Variants in DUSP18 observed in about 807,000 individuals in gnomAD.
DUSP18 encodes the protein dual specificity phosphatase 18.
Under a neutral mutation model 6.3 loss-of-function variants are expected in DUSP18, and 4 were observed. The ratio of observed to expected loss-of-function variants is 0.63; its 90% CI spans 0.31 to 1.45. The LOEUF (loss-of-function observed/expected upper bound fraction) is 1.45, where lower values mean the gene tolerates loss of function less well. Among genes scored for constraint, DUSP18 ranks in the 40% most tolerant of loss-of-function variants. The pLI is 0.07. For synonymous variants in DUSP18, 96 were observed against 95.1 expected, an observed-to-expected ratio of 1.01 and a Z score of -0.05; for missense variants, 235 against 247.7, an observed-to-expected ratio of 0.95 and a Z score of 0.34.
At chr22:30,661,168 G>A (rs921191051), downstream of DUSP18, among the ~76,000 whole-genome samples, 11 of 152,002 alleles carry the variant, frequency 7.2e-5, no homozygotes, top group African/African-American at 2.7e-4. Flanking sequence ...TACTAATAAT[G>A]AGCAATTGGA....
Position 30,663,766 on chromosome 22 carries a change from A to G in DUSP18, c.238T>C (p.Cys80Arg), listed in dbSNP as rs1321789480. ...PVADSPNSRL[C>R]DFFDPIADHI... is the part of the protein sequence containing the mutation. ...TCAGCAATAGGGTCAAAGAAGTCAC[A>G]GAGACGTGAGTTAGGGGAGTCAGCC... Residue 80 changes from cysteine (C) to arginine (R), a missense_variant, in exon 2 of 2, where the codon TGT becomes CGT. Coordinates refer to ENST00000334679, the MANE Select transcript of DUSP18 (RefSeq NM_152511.5). 2 of 1,614,222 alleles carry G rather than the reference A, an allele frequency of 1.2e-6. No individual in the cohort carries two copies.
Position 30,663,868 on chromosome 22 carries a change from T to G in DUSP18, c.136A>C (p.Ile46Leu), listed in dbSNP as rs773395999. ...NNKLMLSSNQITMVINVSVEV... is the reference protein window; with the variant it reads ...NNKLMLSSNQLTMVINVSVEV... ...ACTGAGACATTGATGACCATGGTGA[T>G]CTGGTTGCTAGACAGCATGAGCTTG... Residue 46 changes from isoleucine (I) to leucine (L), a missense_variant, in exon 2 of 2, where the codon ATC becomes CTC. Coordinates refer to ENST00000334679, the MANE Select transcript of DUSP18 (RefSeq NM_152511.5). 1 of 1,614,150 alleles carries G rather than the reference T, an allele frequency of 6.2e-7. No homozygotes were observed. Among genetic ancestry groups the G allele is most frequent in the Non-Finnish European group, 8.5e-7 (1 of 1,180,030 alleles).
Position 30,664,070 on chromosome 22 carries a change from T to C in DUSP18, c.-67A>G. The stretch of plus-strand genomic sequence containing the variant: ...GGCTGCGTCTTTCTGCTAGGCTGTG[T>C]CCATGGAAAACTGCAGAGAGGGAGA... On this transcript the variant is annotated 5_prime_UTR_variant, in exon 2 of 2. Coordinates refer to ENST00000334679, the MANE Select transcript of DUSP18 (RefSeq NM_152511.5). 6.8e-7 allele frequency: 1 copy of C among 1,461,288 alleles called. No individual in the cohort carries two copies. Among genetic ancestry groups the C allele is most frequent in the Non-Finnish European group, 9.3e-7 (1 of 1,075,998 alleles). The allele number at this position is 1,461,288 out of a possible 1,614,324, so 90.5% of individuals were successfully genotyped here.
rs2088499742 is a variant in DUSP18 at position 30,662,298 on chromosome 22, T to C, written c.*1139A>G. ...GCTGTCATTGGACAGATGAGGACACTGATGCTCCCAGGGGTCCACATCACA... is the reference window on the plus strand; with the variant it reads ...GCTGTCATTGGACAGATGAGGACACCGATGCTCCCAGGGGTCCACATCACA... On this transcript the variant is annotated 3_prime_UTR_variant, in exon 2 of 2. Coordinates refer to ENST00000334679, the MANE Select transcript of DUSP18 (RefSeq NM_152511.5). 6.6e-6 allele frequency: 1 copy of C among 152,192 alleles called. No homozygotes were observed. The highest frequency in any genetic ancestry group is 2.4e-5 in the African/African-American group (1 of 41,454). The allele number at this position is 152,192 out of a possible 1,614,324, so 9.4% of individuals were successfully genotyped here.
intron 2 of DUSP18, among the ~76,000 whole-genome samples, chr22:30,653,378 T>G (rs1224858640): frequency 6.6e-6 from 1 of 151,214 alleles, no homozygotes; most frequent in Non-Finnish European, 1.5e-5. Context: ...CTCCTTCTTT[T>G]TTTTTTTTTT....
At chr22:30,660,451 G>A (rs1483767734), downstream of DUSP18, among the ~76,000 whole-genome samples, 2 of 152,056 alleles carry the variant, frequency 1.3e-5, no homozygotes, top group Non-Finnish European at 1.5e-5. Flanking sequence ...GGGACTACAG[G>A]TGCATGCCAC....
chr22:30,665,701 T>G, intron 1 of DUSP18: 1 of 341,694 alleles, frequency 2.9e-6, no homozygotes, highest in South Asian at 2.4e-5. Flanking sequence ...GTCTGATTAT[T>G]TGATTAATGT....
rs1264778655 is a variant in DUSP18, at chr22:30,662,024, T to TA, written c.*1412dup. On this transcript the variant is annotated 3_prime_UTR_variant, in exon 2 of 2. Transcript: ENST00000334679. Reference sequence around the variant, plus strand: ...CTGTGAGGTAGGGTCTGAAAGGACTTAAACCATTTTTTTTTTTTTTTTTTT... The same window carrying TA: ...CTGTGAGGTAGGGTCTGAAAGGACTTAAAACCATTTTTTTTTTTTTTTTTTT... 1 of 131,642 alleles carries TA rather than the reference T, an allele frequency of 7.6e-6. No homozygotes were observed. Among genetic ancestry groups the TA allele is most frequent in the Non-Finnish European group, 1.6e-5 (1 of 63,378 alleles). The allele number at this position is 131,642 out of a possible 1,614,324, so 8.2% of individuals were successfully genotyped here. A position where few individuals can be genotyped will look rare whatever the true frequency, so the allele number is the denominator to read the frequency against.
intron 2 of DUSP18, chr22:30,654,472 G>A (rs183294311): frequency 3.0e-4 from 128 of 432,704 alleles, no homozygotes; most frequent in Non-Finnish European, 5.2e-4. Flanking sequence ...CTGCTTTTTC[G>A]TCATAGGGTG....
chr22:30,662,460 T>TA lies in DUSP18; in HGVS notation c.*976_*977insT, dbSNP rs1420238670. The TA allele has an allele frequency of 2.6e-5, 4 of 152,192 alleles. No homozygotes were observed. The highest frequency in any genetic ancestry group is 2.6e-4 in the Admixed American group (4 of 15,264). The allele number at this position is 152,192 out of a possible 1,614,324, so 9.4% of individuals were successfully genotyped here. A position where few individuals can be genotyped will look rare whatever the true frequency, so the allele number is the denominator to read the frequency against. Reference sequence around the variant, plus strand: ...CTGGAGAAGGGGACTAACACCATCTTTTGCCAAAGTTTGGTGAGGGATGGC... The same window carrying TA: ...CTGGAGAAGGGGACTAACACCATCTTATTGCCAAAGTTTGGTGAGGGATGGC... On this transcript the variant is annotated 3_prime_UTR_variant, in exon 2 of 2. Transcript: ENST00000334679.
chr22:30,666,641 A>AAAAAAG (rs2088681080), intron 1 of DUSP18, among the ~76,000 whole-genome samples: 1 of 150,834 alleles, frequency 6.6e-6, no homozygotes, highest in African/African-American at 2.4e-5. Flanking sequence ...AAAAAAAAAA[A>AAAAAAG]AAAAAGCAAT....
rs745644005 is a variant in DUSP18 at position 30,663,623 on chromosome 22, C to T, written c.381G>A (p.Leu127=). The change falls in exon 2 of 2, where the codon CTG becomes CTA. Residue 127 remains leucine, a synonymous_variant. Transcript: ENST00000334679. The part of the protein sequence containing the change: ...AYLMKYHAMS[L]LDAHTWTKSC... ...ACTTGGTCCACGTGTGGGCGTCCAG[C>T]AGGGACATGGCGTGGTACTTCATGA... is the stretch of plus-strand genomic sequence containing the variant. 39 of 1,614,118 alleles carry T rather than the reference C, an allele frequency of 2.4e-5. No individual in the cohort carries two copies. The highest frequency in any genetic ancestry group is 3.1e-5 in the Non-Finnish European group (36 of 1,180,054).
intron 1 of DUSP18, chr22:30,667,226 G>A (rs918461634): frequency 2.6e-5 from 4 of 152,176 alleles, no homozygotes; most frequent in Non-Finnish European, 5.9e-5. Context: ...AAAAGGACTT[G>A]TTCAGAACGA....
chr22:30,664,174 C>G, intron 1 of DUSP18, 94 bp from the exon 2 acceptor site: 1 of 630,460 alleles, frequency 1.6e-6, no homozygotes. Flanking sequence ...TATAGCATTC[C>G]CCAAGGCAGT....
intron 1 of DUSP18, among the ~76,000 whole-genome samples, chr22:30,666,621 CAAAAAAAAAAAAAA>C (rs55979351): frequency 1.6e-5 from 1 of 62,498 alleles, no homozygotes; most frequent in Non-Finnish European, 2.6e-5. Context: ...GACTCCATCT[CAAAAAAAAAAAAAA>C]AAAAAAAAAA....
chr22:30,657,632 C>T (rs568567806), downstream of DUSP18, among the ~76,000 whole-genome samples: 13 of 151,656 alleles, frequency 8.6e-5, no homozygotes, highest in South Asian at 8.3e-4. Context: ...AGGCCAGGCG[C>T]GGTGGCTCAT....
chr22:30,654,205 C>T (rs1478485416), intron 2 of DUSP18: 1 of 309,290 alleles, frequency 3.2e-6, no homozygotes, highest in Non-Finnish European at 6.3e-6. Flanking sequence ...AGGATGGTCT[C>T]AATCTCCTGA....
chr22:30,658,023 T>C (rs182218075), downstream of DUSP18, among the ~76,000 whole-genome samples: 5 of 151,622 alleles, frequency 3.3e-5, no homozygotes, highest in South Asian at 4.2e-4. Context: ...AAGAGGATCA[T>C]TGGAGGCTGG....
chr22:30,657,495 G>A (rs1031763451), downstream of DUSP18, among the ~76,000 whole-genome samples: 2 of 147,278 alleles, frequency 1.4e-5, no homozygotes, highest in East Asian at 2.1e-4. Context: ...GTAGTGGGTC[G>A]CGCCTATAAT....
Sources: gnomAD v4.1 joint callset for allele counts (sites outside exome capture counted in the v4.1 genomes callset) on GRCh38, gnomAD v4.1.1 for gene constraint, MANE v1.5 for transcripts, NCBI Gene and HGNC (gene_info 2026-07-23, HGNC 2026-07-21) for gene names.